The following NKAIN2 variants were observed in gnomAD, a reference collection of about 807,000 sequenced individuals.
The protein encoded by NKAIN2 is sodium/potassium transporting ATPase interacting 2, also known as sodium/potassium-transporting ATPase subunit beta-1-interacting protein 2.
Under a neutral mutation model 32.6 loss-of-function variants are expected in NKAIN2, and 14 were observed. The ratio of observed to expected loss-of-function variants is 0.43; its 90% CI spans 0.28 to 0.67. The LOEUF (loss-of-function observed/expected upper bound fraction) is 0.67, where lower values mean the gene tolerates loss of function less well. Among genes scored for constraint, NKAIN2 ranks in the 30% least tolerant of loss-of-function variants. The pLI, the probability that NKAIN2 is intolerant of heterozygous loss-of-function variation, is 0.17. For missense variants in NKAIN2, 198 were observed against 258.3 expected (o/e 0.77, Z 1.60); for synonymous variants, 80 against 87.2 (o/e 0.92, Z 0.46).
chr6:123,970,738 C>T (rs531884770), intron 1 of NKAIN2, among the ~76,000 whole-genome samples: 4 of 151,776 alleles, frequency 2.6e-5, no homozygotes, highest in African/African-American at 9.7e-5. Context: ...AAAAATTAGC[C>T]AGGCATGGTG....
chr6:124,318,935 G>T (rs1363709803), intron 2 of NKAIN2, among the ~76,000 whole-genome samples: 1 of 152,024 alleles, frequency 6.6e-6, no homozygotes, highest in Non-Finnish European at 1.5e-5. Flanking sequence ...TCTCCCTTTA[G>T]AATTTATTCT....
chr6:123,887,890 C>A (rs982015452), intron 1 of NKAIN2, among the ~76,000 whole-genome samples: 1 of 152,056 alleles, frequency 6.6e-6, no homozygotes, highest in Non-Finnish European at 1.5e-5. Context: ...TCTTGGTTCA[C>A]ATTAGAGCCC....
chr6:123,990,761 T>C (rs936717658), intron 1 of NKAIN2, among the ~76,000 whole-genome samples: 3 of 152,230 alleles, frequency 2.0e-5, no homozygotes, highest in African/African-American at 7.2e-5. Context: ...GATACTCTAA[T>C]TTTCATGTAA....
intron 4 of NKAIN2, among the ~76,000 whole-genome samples, chr6:124,685,296 C>G (rs1773815651): frequency 6.6e-6 from 1 of 152,100 alleles, no homozygotes; most frequent in Non-Finnish European, 1.5e-5. Context: ...AACAATTCTA[C>G]TTTAAACTAA....
At chr6:123,995,824 C>T (rs143910396) in intron 1 of NKAIN2, among the ~76,000 whole-genome samples, 35 of 152,226 alleles carry the variant, frequency 2.3e-4, no homozygotes, top group African/African-American at 7.9e-4. Flanking sequence ...AAGTTGAAAG[C>T]CTCCAACAGA....
At chr6:124,325,022 T>C (rs115252029) in intron 2 of NKAIN2, among the ~76,000 whole-genome samples, 46 of 152,208 alleles carry the variant, frequency 3.0e-4, no homozygotes, top group African/African-American at 9.4e-4. Flanking sequence ...TGTACAACTT[T>C]ACATATATAA....
intron 3 of NKAIN2, among the ~76,000 whole-genome samples, chr6:124,484,467 C>T (rs12211597): frequency 0.27 from 41,211 of 152,048 alleles, 6,020 homozygotes; most frequent in African/African-American, 0.37. Flanking sequence ...CACAAATAGG[C>T]TCCAGCTTAC....
At chr6:124,053,779 CAT>C (rs887370898) in intron 1 of NKAIN2, among the ~76,000 whole-genome samples, 1 of 151,944 alleles carries the variant, frequency 6.6e-6, no homozygotes, top group African/African-American at 2.4e-5. Context: ...GGAGGAAAAA[CAT>C]ATATATCCAA....
At chr6:124,459,207 C>G (rs1459162830) in intron 3 of NKAIN2, among the ~76,000 whole-genome samples, 3 of 151,642 alleles carry the variant, frequency 2.0e-5, no homozygotes, top group African/African-American at 7.3e-5. Context: ...TAATTTAGAC[C>G]CTGGGAGATT....
chr6:123,804,976 T>C (rs1773154933), intron 1 of NKAIN2, among the ~76,000 whole-genome samples: 1 of 152,234 alleles, frequency 6.6e-6, no homozygotes, highest in African/African-American at 2.4e-5. Flanking sequence ...TACTGTTGTC[T>C]GATCCTATAG....
intron 1 of NKAIN2, among the ~76,000 whole-genome samples, chr6:124,243,434 G>A (rs967075236): frequency 2.6e-5 from 4 of 151,892 alleles, no homozygotes; most frequent in Non-Finnish European, 4.4e-5. Flanking sequence ...GGTGGAGGTT[G>A]CAGTGAGCCG....
intron 1 of NKAIN2, among the ~76,000 whole-genome samples, chr6:123,847,717 A>C (rs1398536976): frequency 1.3e-5 from 2 of 152,146 alleles, no homozygotes; most frequent in Non-Finnish European, 2.9e-5. Flanking sequence ...AATATTACCT[A>C]AAACTTTTCA....
intron 1 of NKAIN2, among the ~76,000 whole-genome samples, chr6:124,110,789 C>T (rs112974313): frequency 3.2e-4 from 49 of 152,182 alleles, no homozygotes; most frequent in African/African-American, 1.1e-3. Context: ...CTTTATCCAA[C>T]CCACCATGAG....
intron 1 of NKAIN2, among the ~76,000 whole-genome samples, chr6:123,805,446 T>G (rs1262594045): frequency 6.6e-6 from 1 of 152,228 alleles, no homozygotes; most frequent in African/African-American, 2.4e-5. Context: ...GTGCTTTTTG[T>G]TGTGTGTTGT....
chr6:124,768,790 T>C (rs779296244), intron 4 of NKAIN2, among the ~76,000 whole-genome samples: 5 of 152,168 alleles, frequency 3.3e-5, no homozygotes, highest in Non-Finnish European at 7.3e-5. Flanking sequence ...ATTTTAGTAA[T>C]TGGCATCATA....
chr6:124,788,761 G>A (rs1217304609), intron 4 of NKAIN2, among the ~76,000 whole-genome samples: 1 of 151,984 alleles, frequency 6.6e-6, no homozygotes, highest in Non-Finnish European at 1.5e-5. Context: ...ATTTGAGTGA[G>A]GACACAGCCA....
chr6:123,989,675 C>T (rs2114685322), intron 1 of NKAIN2, among the ~76,000 whole-genome samples: 1 of 152,178 alleles, frequency 6.6e-6, no homozygotes, highest in East Asian at 1.9e-4. Flanking sequence ...GGTAACTCAA[C>T]CCAAAAGAAA....
intron 3 of NKAIN2, among the ~76,000 whole-genome samples, chr6:124,508,783 T>C (rs1331750778): frequency 3.3e-5 from 5 of 152,188 alleles, no homozygotes; most frequent in African/African-American, 9.6e-5. Context: ...GGCTTCTGGT[T>C]GTTGCAGACA....
chr6:124,150,118 C>A (rs1324150723), intron 1 of NKAIN2, among the ~76,000 whole-genome samples: 2 of 152,154 alleles, frequency 1.3e-5, no homozygotes, highest in Non-Finnish European at 2.9e-5. Context: ...ATTCTCCCCC[C>A]TGGGCTCTGC....
Sources: gnomAD v4.1 joint callset for allele counts (sites outside exome capture counted in the v4.1 genomes callset) on GRCh38, gnomAD v4.1.1 for gene constraint, MANE v1.5 for transcripts, NCBI Gene and HGNC (gene_info 2026-07-23, HGNC 2026-07-21) for gene names.